Variants in AKAP1 observed in about 807,000 individuals in gnomAD.
The protein encoded by AKAP1 is A-kinase anchoring protein 1, also known as A-kinase anchor protein 1, mitochondrial.
A neutral mutation model predicts 79.8 loss-of-function variants in AKAP1; 32 were observed. That is an observed-to-expected ratio of 0.40 (90% CI 0.30 to 0.54). AKAP1 has a LOEUF of 0.54. AKAP1 is among the 20% of genes least tolerant of loss of function. The pLI, the probability that AKAP1 is intolerant of heterozygous loss-of-function variation, is 0.47. For synonymous variants in AKAP1, 416 were observed against 466.7 expected, an observed-to-expected ratio of 0.89 and a Z score of 1.40; for missense variants, 961 against 1,138.9, an observed-to-expected ratio of 0.84 and a Z score of 2.25.
Position 57,121,113 on chromosome 17 carries a change from C to G in AKAP1, c.*789C>G, listed in dbSNP as rs1008975371. 1 of 152,444 alleles carries G rather than the reference C, an allele frequency of 6.6e-6. No individual in the cohort carries two copies. The highest frequency in any genetic ancestry group is 2.1e-4 in the South Asian group (1 of 4,836). 9.4% of individuals were successfully genotyped at this position (152,444 alleles called of 1,614,324 possible). A position where few individuals can be genotyped will look rare whatever the true frequency, so the allele number is the denominator to read the frequency against. Reference sequence around the variant, plus strand: ...AGTAAACTCTGCAGTGCAGCTTCTGCTCTTGGCCCCTCTGGCCAGGGCCCC... The same window carrying G: ...AGTAAACTCTGCAGTGCAGCTTCTGGTCTTGGCCCCTCTGGCCAGGGCCCC... On this transcript the variant is annotated 3_prime_UTR_variant, in exon 11 of 11. Transcript: ENST00000337714.
chr17:57,100,430 C>CACACAT (rs1914422932), intron 1 of AKAP1, among the ~76,000 whole-genome samples: 1 of 147,888 alleles, frequency 6.8e-6, no homozygotes, highest in African/African-American at 2.5e-5. Context: ...TCTGCTAAAA[C>CACACAT]ACACACACAC....
In AKAP1 at chr17:57,086,050, G is replaced by C; in HGVS notation, c.-25+652G>C. The C allele has an allele frequency of 5.0e-6, 1 of 199,246 alleles. No homozygotes were observed. The highest frequency in any genetic ancestry group is 1.1e-5 in the Non-Finnish European group (1 of 94,452). 12.3% of individuals were successfully genotyped at this position (199,246 alleles called of 1,614,324 possible). ...CAACCGTGTTTCGGGCTGAGGGACC[G>C]TTCGAACCGAATTGGGGTCTGGAGG... On this transcript the variant is annotated intron_variant, in intron 1 of 10. Transcript: ENST00000337714. The surrounding 1 kb of genome is among the most constrained non-coding windows in gnomAD (Gnocchi z 5.1).
Position 57,118,378 on chromosome 17 carries a change from A to G in AKAP1, c.2501-3A>G, listed in dbSNP as rs754921937. 3.1e-6 allele frequency: 5 copies of G among 1,613,806 alleles called. No homozygotes were observed. In the South Asian group the frequency reaches 3.3e-5, roughly 11 times the overall value. On this transcript the variant is annotated splice_region_variant and splice_polypyrimidine_tract_variant and intron_variant, in intron 8 of 10. Transcript: ENST00000337714. ...AATGCCGCTTTTCCTTTTCCTCCTGAAGACGATGACCAGTTTTCACCGGAA... is the reference window on the plus strand; with the variant it reads ...AATGCCGCTTTTCCTTTTCCTCCTGGAGACGATGACCAGTTTTCACCGGAA...
chr17:57,099,505 T>A (rs957360954), intron 1 of AKAP1, among the ~76,000 whole-genome samples: 1 of 152,190 alleles, frequency 6.6e-6, no homozygotes, highest in Non-Finnish European at 1.5e-5. Context: ...TCCTGGATTC[T>A]GTGGGTTGGG....
At position 57,105,633 on chromosome 17, in the gene AKAP1, C is replaced by A. The variant is rs1597976300; in HGVS notation, c.169C>A (p.Pro57Thr). The change falls in exon 2 of 11, where the codon CCT becomes ACT. Residue 57 changes from proline (P) to threonine (T), a missense_variant. Pro to Thr is a conservative substitution (Grantham distance 38, BLOSUM62 -1). This residue lies in a region of AKAP1 where 108 missense variants were observed against 147.6 expected (regional missense o/e 0.73). Transcript: ENST00000337714. ...QLRADPAIKE[P>T]LPVEDVCPKV... ...GAGGGCTGACCCTGCCATCAAGGAA[C>A]CTCTCCCCGTGGAAGACGTCTGTCC... The A allele has an allele frequency of 1.9e-6, 3 of 1,614,016 alleles. No individual in the cohort carries two copies. The highest frequency in any genetic ancestry group is 1.7e-5 in the Admixed American group (1 of 60,010).
chr17:57,101,927 C>T (rs1031793671), intron 1 of AKAP1, among the ~76,000 whole-genome samples: 1 of 152,064 alleles, frequency 6.6e-6, no homozygotes, highest in Admixed American at 6.6e-5. Flanking sequence ...TTTTGTTTTA[C>T]GTATCCAGGT....
intron 8 of AKAP1, among the ~76,000 whole-genome samples, chr17:57,117,831 T>C (rs940259147): frequency 3.3e-5 from 5 of 152,116 alleles, no homozygotes; most frequent in Non-Finnish European, 5.9e-5. Context: ...TGGTGTTCTA[T>C]GTAACTTTTG....
chr17:57,086,841 CTT>C lies in AKAP1; in HGVS notation c.-25+1444_-25+1445del, dbSNP rs1237430429. ...TTATTTAGAAAGCAAAGCTTGGACT[CTT>C]AGCACCACCCATCCACTTTGCTCTT... On this transcript the variant is annotated intron_variant, in intron 1 of 10. Coordinates refer to ENST00000337714, the MANE Select transcript of AKAP1 (RefSeq NM_003488.4). The surrounding 1 kb of genome is among the most constrained non-coding windows in gnomAD (Gnocchi z 5.1). Among the ~76,000 whole-genome samples, 3 of 150,960 alleles carry C rather than the reference CTT, an allele frequency of 2.0e-5. No homozygotes were observed. Among genetic ancestry groups the C allele is most frequent in the Admixed American group, 2.0e-4 (3 of 15,126 alleles).
chr17:57,102,611 C>T (rs1338979207), intron 1 of AKAP1, among the ~76,000 whole-genome samples: 6 of 151,840 alleles, frequency 4.0e-5, no homozygotes, highest in African/African-American at 1.4e-4. Context: ...AGTACAGGCT[C>T]CCGCCACAAC....
chr17:57,091,746 T>G (rs931479820), intron 1 of AKAP1, among the ~76,000 whole-genome samples: 9 of 152,140 alleles, frequency 5.9e-5, no homozygotes, highest in African/African-American at 1.9e-4. Flanking sequence ...TAGAGTACAG[T>G]GGCTCGATCA....
chr17:57,100,715 G>T (rs1914453114), intron 1 of AKAP1, among the ~76,000 whole-genome samples: 1 of 152,214 alleles, frequency 6.6e-6, no homozygotes, highest in African/African-American at 2.4e-5. Context: ...CTGTTAGGTA[G>T]GATTTGAATC....
At chr17:57,089,553 G>A (rs1913656542) in intron 1 of AKAP1, among the ~76,000 whole-genome samples, 1 of 152,170 alleles carries the variant, frequency 6.6e-6, no homozygotes, top group Non-Finnish European at 1.5e-5. Context: ...GTCAGTACAG[G>A]TCAAGAACAT....
Position 57,106,258 on chromosome 17 carries a change from A to T in AKAP1, c.794A>T (p.Glu265Val). The change falls in exon 2 of 11, where the codon GAG (glutamate) becomes GTG (valine). Residue 265 changes from glutamate (E) to valine (V), a missense_variant. Glu to Val is a moderately radical substitution (Grantham distance 121). Transcript: ENST00000337714. Reference sequence around the variant, plus strand: ...GTGCAGGAGGAAGAGTATGTAGCAGAGAAGTTGCCAAGTAGGTTCATCGAG... The same window carrying T: ...GTGCAGGAGGAAGAGTATGTAGCAGTGAAGTTGCCAAGTAGGTTCATCGAG... ...GPVQEEEYVA[E>V]KLPSRFIESA... 6.2e-7 allele frequency: 1 copy of T among 1,614,198 alleles called. No individual in the cohort carries two copies. Among genetic ancestry groups the T allele is most frequent in the Non-Finnish European group, 8.5e-7 (1 of 1,180,046 alleles).
chr17:57,099,323 G>A (rs934224284), intron 1 of AKAP1, among the ~76,000 whole-genome samples: 1 of 152,186 alleles, frequency 6.6e-6, no homozygotes, highest in Non-Finnish European at 1.5e-5. Flanking sequence ...TTCAAGCCAG[G>A]CAGTTTCTGT....
chr17:57,097,062 C>T (rs1228081689), intron 1 of AKAP1, among the ~76,000 whole-genome samples: 1 of 152,174 alleles, frequency 6.6e-6, no homozygotes, highest in Non-Finnish European at 1.5e-5. Flanking sequence ...ACTATGGCTC[C>T]TGTGGCAAAG....
chr17:57,106,041 G>A lies in AKAP1; in HGVS notation c.577G>A (p.Gly193Arg), dbSNP rs752349436. Reference protein sequence around the residue: ...PVVPAEKRSSGERARETGGAE... With the variant: ...PVVPAEKRSSRERARETGGAE... ...AGTCCCCGCAGAGAAGCGTAGCTCT[G>A]GGGAGAGGGCAAGAGAGACAGGTGG... The change falls in exon 2 of 11, where the codon GGG (glycine) becomes AGG (arginine). Residue 193 changes from glycine (G) to arginine (R), a missense_variant. Gly to Arg is a moderately radical substitution (Grantham distance 125, BLOSUM62 -2). This residue lies in a region of AKAP1 where 224 missense variants were observed against 210.2 expected (regional missense o/e 1.07). Coordinates refer to ENST00000337714, the MANE Select transcript of AKAP1 (RefSeq NM_003488.4). The A allele has an allele frequency of 1.6e-5, 25 of 1,612,812 alleles. No individual in the cohort carries two copies. In the East Asian group the frequency reaches 2.9e-4, roughly 19 times the overall value.
intron 1 of AKAP1, among the ~76,000 whole-genome samples, chr17:57,098,874 G>C (rs1203672659): frequency 6.7e-6 from 1 of 149,858 alleles, no homozygotes; most frequent in Non-Finnish European, 1.5e-5. Flanking sequence ...CCATTCTCCT[G>C]CCTCAGCCTC....
chr17:57,093,702 C>A (rs1177216674), intron 1 of AKAP1: 1 of 152,156 alleles, frequency 6.6e-6, no homozygotes, highest in East Asian at 1.9e-4. Flanking sequence ...CAAAACATTA[C>A]TTGTAGAAAG....
At chr17:57,111,982 T>C (rs1915275840) in intron 4 of AKAP1, 58 bp downstream of exon 4, 1 of 1,535,314 alleles carries the variant, frequency 6.5e-7, no homozygotes, top group Admixed American at 1.8e-5. Context: ...TAGAAGTGAA[T>C]AGCATCTGAG....
Sources: gnomAD v4.1 joint callset for allele counts (sites outside exome capture counted in the v4.1 genomes callset) on GRCh38, gnomAD v4.1.1 for gene constraint, gnomAD v4.1.1 regional missense constraint, Gnocchi (gnomAD v3.1) non-coding constraint, MANE v1.5 for transcripts, NCBI Gene and HGNC (gene_info 2026-07-23, HGNC 2026-07-21) for gene names.